Variants in CCR5AS observed in about 807,000 individuals in gnomAD.
CCR5AS encodes the protein CCR5 antisense RNA.
At chr3:46,395,886 T>G (rs1249548081) in intron 1 of CCR5AS, among the ~76,000 whole-genome samples, 4 of 152,124 alleles carry the variant, frequency 2.6e-5, no homozygotes, top group Non-Finnish European at 5.9e-5. Context: ...GTGGCTGAGA[T>G]GGGAACCGTG....
intron 2 of CCR5AS, chr3:46,392,796 C>T (rs1366277538): frequency 1.7e-5 from 3 of 176,984 alleles, no homozygotes; most frequent in Non-Finnish European, 3.5e-5. Context: ...GGGAGAGAGG[C>T]TGAAGAAGAG....
rs112190587 is a variant in CCR5AS at position 46,400,489 on chromosome 3, A to G, written n.163+6408T>C. On this transcript the variant is annotated intron_variant and non_coding_transcript_variant, in intron 1 of 3. Transcript: ENST00000451485. ...CAGAGGCTGGAAGGCTTGATGAACA[A>G]CACATATTACACAAAGAATAAATGG... Among the ~76,000 whole-genome samples the G allele has an allele frequency of 5.5e-3, 831 of 152,332 alleles. 3 individuals carry two copies. Among genetic ancestry groups the G allele is most frequent in the South Asian group, 0.012 (57 of 4,830 alleles).
chr3:46,374,922 G>A (rs906957203), intron 2 of CCR5AS: 8 of 167,516 alleles, frequency 4.8e-5, no homozygotes, highest in Non-Finnish European at 1.2e-4. Context: ...TGGGAAGGAG[G>A]GAGGTATTCG....
chr3:46,403,726 G>A (rs1014551363), intron 1 of CCR5AS, among the ~76,000 whole-genome samples: 1 of 152,190 alleles, frequency 6.6e-6, no homozygotes, highest in African/African-American at 2.4e-5. Context: ...CCAAGAATGT[G>A]GGCATGCCTC....
At chr3:46,391,178 C>T (rs1221441901) in intron 2 of CCR5AS, among the ~76,000 whole-genome samples, 3 of 152,178 alleles carry the variant, frequency 2.0e-5, no homozygotes, top group African/African-American at 7.2e-5. Context: ...GCCCAGTGGC[C>T]AGATTTCCGG....
intron 2 of CCR5AS, chr3:46,373,077 A>G: frequency 6.2e-7 from 1 of 1,614,180 alleles, no homozygotes; most frequent in Non-Finnish European, 8.5e-7. Flanking sequence ...GATAAACTGC[A>G]AAAGGCTGAA....
At chr3:46,390,420 T>C (rs1417622410) in intron 2 of CCR5AS, among the ~76,000 whole-genome samples, 3 of 151,890 alleles carry the variant, frequency 2.0e-5, no homozygotes, top group African/African-American at 7.3e-5. Flanking sequence ...ATAGGGGAGT[T>C]GTAAGGAGAA....
chr3:46,373,691 C>T lies in CCR5AS; in HGVS notation n.392-2274G>A, dbSNP rs761967907. The T allele has an allele frequency of 3.6e-5, 58 of 1,614,018 alleles. 1 individual carries two copies. In the South Asian group the frequency reaches 6.4e-4, roughly 18 times the overall value. Reference sequence around the variant, plus strand: ...TTCTCCTGAACACCTTCCAGGAATTCTTTGGCCTGAATAATTGCAGTAGCT... The same window carrying T: ...TTCTCCTGAACACCTTCCAGGAATTTTTTGGCCTGAATAATTGCAGTAGCT... On this transcript the variant is annotated intron_variant and non_coding_transcript_variant, in intron 2 of 3. Coordinates refer to ENST00000451485, the Ensembl canonical transcript of CCR5AS.
At chr3:46,390,985 A>T (rs1179895975) in intron 2 of CCR5AS, among the ~76,000 whole-genome samples, 1 of 152,222 alleles carries the variant, frequency 6.6e-6, no homozygotes, top group Non-Finnish European at 1.5e-5. Flanking sequence ...AGCATCTGTG[A>T]TGGTCCAGGA....
At chr3:46,392,580 T>TC (rs1032695180) in intron 2 of CCR5AS, among the ~76,000 whole-genome samples, 3 of 151,964 alleles carry the variant, frequency 2.0e-5, no homozygotes, top group African/African-American at 7.3e-5. Context: ...AAGGCAGGCA[T>TC]CCCCCCGGTG....
intron 2 of CCR5AS, among the ~76,000 whole-genome samples, chr3:46,383,473 G>A (rs954329275): frequency 2.0e-5 from 3 of 152,152 alleles, no homozygotes; most frequent in African/African-American, 7.2e-5. Context: ...TTCTGGCAAA[G>A]CCCCATGGGC....
intron 1 of CCR5AS, among the ~76,000 whole-genome samples, chr3:46,403,964 C>T (rs1288922514): frequency 1.3e-5 from 2 of 152,138 alleles, no homozygotes; most frequent in Non-Finnish European, 2.9e-5. Flanking sequence ...TTACTGCGAC[C>T]CTCTTATGCC....
chr3:46,374,753 T>C (rs982516435), intron 2 of CCR5AS: 1 of 167,194 alleles, frequency 6.0e-6, no homozygotes, highest in Non-Finnish European at 1.5e-5. Flanking sequence ...AGGGAGATCC[T>C]GGTTGGTGTT....
chr3:46,377,841 G>C (rs1455521809), intron 2 of CCR5AS, among the ~76,000 whole-genome samples: 1 of 152,076 alleles, frequency 6.6e-6, no homozygotes, highest in East Asian at 1.9e-4. Flanking sequence ...GAGTAGCTGG[G>C]ACTACAGGCA....
At chr3:46,381,387 T>C (rs1011509727) in intron 2 of CCR5AS, among the ~76,000 whole-genome samples, 1 of 152,206 alleles carries the variant, frequency 6.6e-6, no homozygotes. Flanking sequence ...GCAATGATAA[T>C]TCTGCAGAGA....
intron 2 of CCR5AS, among the ~76,000 whole-genome samples, chr3:46,388,438 G>A (rs1365472549): frequency 1.3e-5 from 2 of 152,282 alleles, no homozygotes; most frequent in African/African-American, 4.8e-5. Context: ...AATAAGAGAA[G>A]GAGAAAAACA....
intron 1 of CCR5AS, among the ~76,000 whole-genome samples, chr3:46,393,460 C>CAAAAAAAAAAAAAA (rs35762544): frequency 9.6e-6 from 1 of 103,972 alleles, no homozygotes. Flanking sequence ...AACAGAGCCA[C>CAAAAAAAAAAAAAA]AAAAAAAAAA....
At chr3:46,364,148 C>A (rs1327908740), downstream of CCR5AS, among the ~76,000 whole-genome samples, 1 of 152,196 alleles carries the variant, frequency 6.6e-6, no homozygotes, top group Non-Finnish European at 1.5e-5. Flanking sequence ...GTAGACAAAA[C>A]AGTCTTATGT....
At chr3:46,366,246 C>T (rs990216473) in intron 3 of CCR5AS, among the ~76,000 whole-genome samples, 3 of 152,166 alleles carry the variant, frequency 2.0e-5, no homozygotes, top group African/African-American at 7.2e-5. Flanking sequence ...CATAACACTT[C>T]TTTGCCTTCA....
Sources: allele counts gnomAD v4.1 joint callset (sites outside exome capture counted in the v4.1 genomes callset), GRCh38; gene constraint gnomAD v4.1.1; transcripts MANE v1.5; gene names NCBI Gene and HGNC (gene_info 2026-07-23, HGNC 2026-07-21).